SRRM4: variants seen among roughly 807,000 people sequenced by gnomAD.
SRRM4 encodes serine/arginine repetitive matrix 4.
A neutral mutation model predicts 68.9 loss-of-function variants in SRRM4; 33 were observed. The ratio of observed to expected loss-of-function variants is 0.48; its 90% CI spans 0.36 to 0.64. The LOEUF is 0.64. SRRM4 is among the 30% of genes least tolerant of loss of function. SRRM4 has a pLI of 0.00. For synonymous variants in SRRM4, 318 were observed against 318.8 expected, an observed-to-expected ratio of 1.00 and a Z score of 0.03; for missense variants, 817 against 827.1, an observed-to-expected ratio of 0.99 and a Z score of 0.15.
intron 3 of SRRM4, 129 bp from the exon 4 acceptor site, chr12:119,116,808 G>T (rs1185866941): frequency 4.7e-6 from 3 of 638,114 alleles, no homozygotes; most frequent in African/African-American, 1.8e-5. Flanking sequence ...GTATCAGCAT[G>T]GATATTATCT....
At chr12:119,071,441 A>C (rs1953877167) in intron 1 of SRRM4, among the ~76,000 whole-genome samples, 1 of 152,236 alleles carries the variant, frequency 6.6e-6, no homozygotes, top group Admixed American at 6.5e-5. Context: ...GTAACAACTC[A>C]GCACATACGA....
At chr12:119,101,575 A>C (rs78924337) in intron 1 of SRRM4, among the ~76,000 whole-genome samples, 5,623 of 152,038 alleles carry the variant, frequency 0.037, 138 homozygotes, top group Non-Finnish European at 0.055. Context: ...TTATCTTCAC[A>C]ATAGCTCGGA....
chr12:119,046,088 C>T (rs2136014511), intron 1 of SRRM4, among the ~76,000 whole-genome samples: 1 of 151,794 alleles, frequency 6.6e-6, no homozygotes, highest in South Asian at 2.1e-4. Context: ...TATTAACAAT[C>T]CCAGCGACCC....
At chr12:118,994,000 C>A (rs1415397343) in intron 1 of SRRM4, 5 of 152,146 alleles carry the variant, frequency 3.3e-5, no homozygotes, top group African/African-American at 9.7e-5. Context: ...AATATGGTGA[C>A]CTCCCAGGAG....
chr12:119,025,879 C>G (rs888137021), intron 1 of SRRM4, among the ~76,000 whole-genome samples: 10 of 152,098 alleles, frequency 6.6e-5, no homozygotes, highest in African/African-American at 2.2e-4. Context: ...GCAAAAGCAT[C>G]TTAGCCTGCT....
At chr12:119,068,214 T>A (rs1302008897) in intron 1 of SRRM4, among the ~76,000 whole-genome samples, 1 of 152,166 alleles carries the variant, frequency 6.6e-6, no homozygotes, top group East Asian at 1.9e-4. Context: ...GTAATAGCAG[T>A]GGTAACCTAG....
At chr12:119,078,104 G>A (rs1006776829) in intron 1 of SRRM4, among the ~76,000 whole-genome samples, 6 of 152,198 alleles carry the variant, frequency 3.9e-5, no homozygotes, top group African/African-American at 1.4e-4. Context: ...AGCAGCTTGA[G>A]GAGTGGCAGG....
intron 1 of SRRM4, among the ~76,000 whole-genome samples, chr12:119,055,335 C>T (rs1187324991): frequency 6.6e-6 from 1 of 152,050 alleles, no homozygotes; most frequent in East Asian, 1.9e-4. Flanking sequence ...ACATGCCTCA[C>T]AAGACTATTC....
chr12:119,129,563 G>A (rs1954280948), intron 7 of SRRM4, among the ~76,000 whole-genome samples: 2 of 152,126 alleles, frequency 1.3e-5, no homozygotes, highest in Non-Finnish European at 2.9e-5. Flanking sequence ...AAACACAGAT[G>A]GACACACCCA....
chr12:119,117,618 G>C (rs1271183311), intron 4 of SRRM4, among the ~76,000 whole-genome samples: 1 of 119,266 alleles, frequency 8.4e-6, no homozygotes, highest in Non-Finnish European at 1.9e-5. Context: ...ACACACACGT[G>C]TATGTTTACA....
intron 1 of SRRM4, among the ~76,000 whole-genome samples, chr12:119,030,485 T>C (rs1035515841): frequency 1.4e-5 from 1 of 69,620 alleles, no homozygotes; most frequent in African/African-American, 7.2e-5. Flanking sequence ...TATTAATTAA[T>C]CTTGCTTTTT....
intron 1 of SRRM4, among the ~76,000 whole-genome samples, chr12:119,095,273 TA>T (rs1954036705): frequency 6.6e-6 from 1 of 152,240 alleles, no homozygotes; most frequent in Admixed American, 6.5e-5. Flanking sequence ...AGCCCCATGA[TA>T]ACTCTTGGGC....
At chr12:119,134,694 A>G (rs67809693) in intron 8 of SRRM4, among the ~76,000 whole-genome samples, 16,872 of 152,196 alleles carry the variant, frequency 0.11, 1,173 homozygotes, top group African/African-American at 0.19. Flanking sequence ...TCCCTTCAGC[A>G]TCAAAGCCAG....
chr12:119,138,097 T>C (rs1488937803), intron 8 of SRRM4, among the ~76,000 whole-genome samples: 1 of 152,118 alleles, frequency 6.6e-6, no homozygotes, highest in Admixed American at 6.5e-5. Flanking sequence ...GGAGAGCTCA[T>C]GCCCCATCTA....
intron 1 of SRRM4, among the ~76,000 whole-genome samples, chr12:118,990,365 C>G (rs1594016266): frequency 6.6e-6 from 1 of 152,300 alleles, no homozygotes; most frequent in South Asian, 2.1e-4. Context: ...TTGTTTTGAA[C>G]AGACACACGT....
intron 3 of SRRM4, among the ~76,000 whole-genome samples, chr12:119,114,876 G>C (rs1357681943): frequency 6.6e-6 from 1 of 151,916 alleles, no homozygotes; most frequent in African/African-American, 2.4e-5. Context: ...GTGTTAGCCA[G>C]GATGGTCTCC....
chr12:119,060,592 G>T (rs1192142093), intron 1 of SRRM4, among the ~76,000 whole-genome samples: 4 of 151,750 alleles, frequency 2.6e-5, no homozygotes, highest in Non-Finnish European at 5.9e-5. Context: ...AGTAGAGTTT[G>T]TGTATTATCT....
chr12:119,115,856 T>C lies in SRRM4; in HGVS notation c.366-1081T>C, dbSNP rs534073263. Among the ~76,000 whole-genome samples, 7 of 152,352 alleles carry C rather than the reference T, an allele frequency of 4.6e-5. No homozygotes were observed. The East Asian group carries it at 9.6e-4, about 21-fold the overall frequency. On this transcript the variant is annotated intron_variant, in intron 3 of 12. Transcript: ENST00000267260. ...ATTCCCTTCTGCAGACATGTTTTGT[T>C]TGACCTGCAAAGTGATTTGATTTTT...
chr12:119,106,737 C>A (rs1954110006), intron 2 of SRRM4, among the ~76,000 whole-genome samples: 1 of 152,186 alleles, frequency 6.6e-6, no homozygotes, highest in Non-Finnish European at 1.5e-5. Context: ...TATAAATAGA[C>A]AATCATGTCA....
Sources: gnomAD v4.1 joint callset for allele counts (sites outside exome capture counted in the v4.1 genomes callset) on GRCh38, gnomAD v4.1.1 for gene constraint, MANE v1.5 for transcripts, NCBI Gene and HGNC (gene_info 2026-07-23, HGNC 2026-07-21) for gene names.